The following TG variants were observed in gnomAD, a reference collection of about 807,000 sequenced individuals.
The protein encoded by TG is thyroglobulin.
A neutral mutation model predicts 324.7 loss-of-function variants in TG; 270 were observed. That is an observed-to-expected ratio of 0.83 (90% confidence interval 0.75 to 0.92). The LOEUF (loss-of-function observed/expected upper bound fraction) is 0.92. Ranked by LOEUF, TG falls within the 40% of genes least tolerant of loss-of-function variation. TG has a pLI of 0.00. For missense variants in TG, 3,591 were observed against 3,456.4 expected (o/e 1.04, Z -0.98); for synonymous variants, 1,401 against 1,327.0 (o/e 1.06, Z -1.21).
chr8:132,944,351 A>G (rs1438301880), intron 26 of TG, among the ~76,000 whole-genome samples: 3 of 152,092 alleles, frequency 2.0e-5, no homozygotes, highest in Non-Finnish European at 4.4e-5. Context: ...TAGATTCCCC[A>G]TCCTCCAAGT....
intron 41 of TG, among the ~76,000 whole-genome samples, chr8:133,088,404 T>C (rs560072120): frequency 1.3e-5 from 2 of 152,300 alleles, no homozygotes; most frequent in South Asian, 4.1e-4. Context: ...GGTAGCACAG[T>C]GTGGGGGGAA....
At position 132,919,587 on chromosome 8, in the gene TG, GT is replaced by G. The variant is rs1428981432; in HGVS notation, c.4528+65del. 4.4e-6 allele frequency: 7 copies of G among 1,602,762 alleles called. No individual in the cohort carries two copies. In the East Asian group the frequency reaches 1.6e-4, roughly 36 times the overall value. On this transcript the variant is annotated intron_variant, in intron 21 of 47. Transcript: ENST00000220616. ...CTGCAATGAAATGGAACTCAACAGG[GT>G]TTCCCAATCTCTGCACTATTGACAT...
intron 10 of TG, among the ~76,000 whole-genome samples, chr8:132,889,459 G>T (rs1815912383): frequency 6.6e-6 from 1 of 152,168 alleles, no homozygotes; most frequent in Non-Finnish European, 1.5e-5. Flanking sequence ...AAAATGTCGG[G>T]TGAAAGTACC....
Position 132,995,246 on chromosome 8 carries a change from T to C in TG, c.6262+11834T>C, listed in dbSNP as rs180733777. The C allele has an allele frequency of 6.6e-4, 638 of 969,684 alleles. 3 individuals are homozygous for C. The highest frequency in any genetic ancestry group is 3.2e-3 in the Admixed American group (52 of 16,096). The allele number at this position is 969,684 out of a possible 1,614,324, so 60.1% of individuals were successfully genotyped here. A position where few individuals can be genotyped will look rare whatever the true frequency, so the allele number is the denominator to read the frequency against. The stretch of plus-strand genomic sequence containing the variant: ...CACCATGTTACCTATTACCTACAAG[T>C]TGAGATTTGGGTAAAGTCCTATGTG... On this transcript the variant is annotated intron_variant, in intron 35 of 47. Coordinates refer to ENST00000220616, the MANE Select transcript of TG (RefSeq NM_003235.5).
intron 43 of TG, among the ~76,000 whole-genome samples, chr8:133,106,000 C>G (rs190686215): frequency 2.0e-5 from 3 of 152,228 alleles, no homozygotes; most frequent in Admixed American, 1.3e-4. Flanking sequence ...GAGTGCACAT[C>G]TAGCTGAGAG....
chr8:132,943,843 C>T (rs1824831929), intron 26 of TG, among the ~76,000 whole-genome samples: 1 of 152,172 alleles, frequency 6.6e-6, no homozygotes, highest in Non-Finnish European at 1.5e-5. Context: ...CCAGTTATTT[C>T]CACCTTCTCC....
intron 27 of TG, among the ~76,000 whole-genome samples, chr8:132,960,749 C>CGAGTCATAGG (rs1306549581): frequency 6.6e-6 from 1 of 152,124 alleles, no homozygotes; most frequent in Non-Finnish European, 1.5e-5. Context: ...GTGACTCTCC[C>CGAGTCATAGG]GAGTCATAGG....
In TG at chr8:132,885,823, G is replaced by A. The variant is rs141896679; in HGVS notation, c.1076-625G>A. ...TGCTCTCCCTGAAGGTTCTATGGCA[G>A]AATTCTTCCTTGCCCCTTCCTGGTT... is the stretch of plus-strand genomic sequence containing the variant. On this transcript the variant is annotated intron_variant, in intron 8 of 47. Coordinates refer to ENST00000220616, the MANE Select transcript of TG (RefSeq NM_003235.5). Among the ~76,000 whole-genome samples, 75 of 152,318 alleles carry A rather than the reference G, an allele frequency of 4.9e-4. 1 individual carries two copies. In the East Asian group the frequency reaches 0.013, roughly 26 times the overall value.
intron 5 of TG, among the ~76,000 whole-genome samples, 187 bp from the exon 6 acceptor site, chr8:132,881,676 C>G (rs1814665087): frequency 6.6e-6 from 1 of 152,200 alleles, no homozygotes; most frequent in Non-Finnish European, 1.5e-5. Context: ...CAGCCTGGTT[C>G]CAGCCAGGTT....
At chr8:132,913,554 A>G (rs778608351) in intron 20 of TG, among the ~76,000 whole-genome samples, 21 of 152,130 alleles carry the variant, frequency 1.4e-4, no homozygotes, top group Non-Finnish European at 2.8e-4. Flanking sequence ...GCTAACATAC[A>G]TTTGTATCCT....
At chr8:132,997,733 C>G (rs1291144033) in intron 35 of TG, among the ~76,000 whole-genome samples, 1 of 151,956 alleles carries the variant, frequency 6.6e-6, no homozygotes, top group African/African-American at 2.4e-5. Flanking sequence ...ACAAATTTTC[C>G]CAAGCATCTT....
In TG at chr8:132,869,617, C is replaced by A. The variant is rs376670037; in HGVS notation, c.177-112C>A. Reference sequence around the variant, plus strand: ...CACTCCACTCTCTCCCTAATTTAAACGAACCAAAACTTGCAAGAATGGAAA... The same window carrying A: ...CACTCCACTCTCTCCCTAATTTAAAAGAACCAAAACTTGCAAGAATGGAAA... On this transcript the variant is annotated intron_variant, in intron 2 of 47. Coordinates refer to ENST00000220616, the MANE Select transcript of TG (RefSeq NM_003235.5). 2.4e-5 allele frequency: 24 copies of A among 983,650 alleles called. No homozygotes were observed. The South Asian group carries it at 3.1e-4, about 13-fold the overall frequency. The allele number at this position is 983,650 out of a possible 1,614,324, so 60.9% of individuals were successfully genotyped here.
chr8:132,982,458 G>T (rs1220767201), intron 34 of TG, among the ~76,000 whole-genome samples: 1 of 152,188 alleles, frequency 6.6e-6, no homozygotes, highest in Non-Finnish European at 1.5e-5. Context: ...CACATACTGG[G>T]TATGAATGGT....
At chr8:133,035,194 G>T (rs1836982036) in intron 41 of TG, among the ~76,000 whole-genome samples, 1 of 151,984 alleles carries the variant, frequency 6.6e-6, no homozygotes. Flanking sequence ...CCCTCTATCA[G>T]CTACACCCAT....
intron 8 of TG, among the ~76,000 whole-genome samples, chr8:132,885,129 TGG>T (rs35717199): frequency 7.3e-6 from 1 of 137,902 alleles, no homozygotes; most frequent in Non-Finnish European, 1.6e-5. Flanking sequence ...TTTTAAAAGT[TGG>T]GGGGGGGGCG....
Position 133,107,224 on chromosome 8 carries a change from G to C in TG, c.7573-6198G>C, listed in dbSNP as rs559004630. 5.3e-5 allele frequency among the ~76,000 whole-genome samples: 8 copies of C among 152,286 alleles called. No homozygotes were observed. In the East Asian group the frequency reaches 1.4e-3, roughly 26 times the overall value. On this transcript the variant is annotated intron_variant, in intron 43 of 47. Transcript: ENST00000220616. ...CTTCTGAGGCCACAGAATAGAGCTA[G>C]ATTTGAACCTGAGTCTCTCAAATGC...
intron 35 of TG, among the ~76,000 whole-genome samples, chr8:132,992,883 G>A (rs1233615737): frequency 6.6e-6 from 1 of 152,174 alleles, no homozygotes; most frequent in Admixed American, 6.5e-5. Context: ...GTTGTCATTT[G>A]TTTACTTGTT....
intron 22 of TG, among the ~76,000 whole-genome samples, chr8:132,926,086 C>T (rs1394471067): frequency 6.6e-6 from 1 of 152,174 alleles, no homozygotes; most frequent in African/African-American, 2.4e-5. Context: ...ACTGGGATGT[C>T]AACACATCTC....
intron 34 of TG, among the ~76,000 whole-genome samples, chr8:132,977,370 GA>G (rs1830291533): frequency 6.6e-6 from 1 of 152,058 alleles, no homozygotes. Flanking sequence ...TTCAATAATA[GA>G]TTTTGGCCTT....
Sources: gnomAD v4.1 joint callset for allele counts (sites outside exome capture counted in the v4.1 genomes callset) on GRCh38, gnomAD v4.1.1 for gene constraint, MANE v1.5 for transcripts, NCBI Gene and HGNC (gene_info 2026-07-23, HGNC 2026-07-21) for gene names.